TUSC3: variants seen among roughly 807,000 people sequenced by gnomAD.
TUSC3 encodes dolichyl-diphosphooligosaccharide--protein glycosyltransferase subunit TUSC3.
A neutral mutation model predicts 44.8 loss-of-function variants in TUSC3; 45 were observed. The observed-to-expected ratio is 1.00, with a 90% confidence interval of 0.79 to 1.29. TUSC3 has a LOEUF of 1.29. Ranked by LOEUF, TUSC3 falls within the 50% of genes most tolerant of loss-of-function variation. The pLI is 0.00. For synonymous variants in TUSC3, 212 were observed against 152.9 expected (o/e 1.39, Z -2.85); for missense variants, 519 against 437.9 (o/e 1.19, Z -1.65).
chr8:15,488,730 G>A (rs1437806268), intron 2 of TUSC3, among the ~76,000 whole-genome samples: 1 of 152,162 alleles, frequency 6.6e-6, no homozygotes, highest in Non-Finnish European at 1.5e-5. Context: ...ATATGAAGAT[G>A]TGGCAAGAAA....
At chr8:15,797,748 A>G in the TUSC3 span, among the ~76,000 whole-genome samples, 1 of 152,174 alleles carries the variant, frequency 6.6e-6, no homozygotes, top group Non-Finnish European at 1.5e-5. Context: ...TGCTGGGCCT[A>G]TGTCAAAATG....
At chr8:15,562,100 C>A (rs1234818879) in intron 1 of TUSC3, among the ~76,000 whole-genome samples, 1 of 152,130 alleles carries the variant, frequency 6.6e-6, no homozygotes, top group Non-Finnish European at 1.5e-5. Flanking sequence ...GTAAGAACAG[C>A]TATGCAGGAG....
At chr8:15,785,759 G>C in the TUSC3 span, among the ~76,000 whole-genome samples, 1 of 152,020 alleles carries the variant, frequency 6.6e-6, no homozygotes, top group African/African-American at 2.4e-5. Flanking sequence ...GTACAGAATA[G>C]ATGCCTAACA....
chr8:15,630,714 CTTAGGG>C (rs1805721549), intron 2 of TUSC3, among the ~76,000 whole-genome samples: 1 of 152,084 alleles, frequency 6.6e-6, no homozygotes, highest in African/African-American at 2.4e-5. Flanking sequence ...TTATTAGTGT[CTTAGGG>C]CAGTGATCTC....
At chr8:15,851,237 A>G in the TUSC3 span, among the ~76,000 whole-genome samples, 1 of 152,168 alleles carries the variant, frequency 6.6e-6, no homozygotes, top group African/African-American at 2.4e-5. Context: ...AATAACAATA[A>G]TTTATTCAAC....
intron 7 of TUSC3, 64 bp from the exon 8 acceptor site, chr8:15,743,474 A>G (rs1811278873): frequency 6.5e-7 from 1 of 1,542,216 alleles, no homozygotes. Flanking sequence ...TTGTGTTCAG[A>G]GCCAGAAAAA....
At chr8:15,652,258 T>C (rs62502092) in intron 3 of TUSC3, among the ~76,000 whole-genome samples, 30,040 of 152,214 alleles carry the variant, frequency 0.2, 3,805 homozygotes, top group Non-Finnish European at 0.29. Flanking sequence ...AGCATGCAGT[T>C]CTGTAAAGAA....
At chr8:15,455,804 A>G (rs1024062131) in intron 1 of TUSC3, among the ~76,000 whole-genome samples, 3 of 152,198 alleles carry the variant, frequency 2.0e-5, no homozygotes, top group African/African-American at 7.2e-5. Flanking sequence ...TTTAAATGAT[A>G]AAAGCCCTTC....
At chr8:15,840,966 G>T in the TUSC3 span, among the ~76,000 whole-genome samples, 1 of 152,118 alleles carries the variant, frequency 6.6e-6, no homozygotes, top group Admixed American at 6.6e-5. Context: ...TATTGAAAGT[G>T]GTTGCTAGAG....
intron 8 of TUSC3, 64 bp from the exon 9 acceptor site, chr8:15,748,311 A>C (rs1811511560): frequency 8.1e-6 from 10 of 1,232,240 alleles, no homozygotes; most frequent in Middle Eastern, 3.9e-4. Context: ...ATTTAAAAAT[A>C]TAAACAATTG....
At chr8:15,648,732 A>AAAAAAAAG (rs1806747086) in intron 2 of TUSC3, among the ~76,000 whole-genome samples, 1 of 134,194 alleles carries the variant, frequency 7.5e-6, no homozygotes, top group Non-Finnish European at 1.5e-5. Flanking sequence ...TGTCAAAAAA[A>AAAAAAAAG]AAAAAAAAAA....
chr8:15,811,840 G>A, the TUSC3 span, among the ~76,000 whole-genome samples: 1 of 152,140 alleles, frequency 6.6e-6, no homozygotes, highest in African/African-American at 2.4e-5. Context: ...ATTTGTCTGA[G>A]TAGCAAAAGC....
At chr8:15,582,799 C>T (rs1256466638) in intron 1 of TUSC3, among the ~76,000 whole-genome samples, 2 of 152,220 alleles carry the variant, frequency 1.3e-5, no homozygotes, top group African/African-American at 4.8e-5. Flanking sequence ...CAGTTACAGT[C>T]ACTCACCACC....
At chr8:15,680,746 TA>T (rs1808391420) in intron 6 of TUSC3, among the ~76,000 whole-genome samples, 1 of 152,154 alleles carries the variant, frequency 6.6e-6, no homozygotes, top group South Asian at 2.1e-4. Context: ...TGACTCTTAC[TA>T]TTTTGAAGTA....
intron 1 of TUSC3, among the ~76,000 whole-genome samples, chr8:15,568,436 C>G (rs1272546578): frequency 2.0e-5 from 3 of 152,042 alleles, no homozygotes; most frequent in Admixed American, 6.6e-5. Flanking sequence ...CCAAATTTAT[C>G]TTCATACCTT....
At chr8:15,502,175 A>G (rs1800975857) in intron 2 of TUSC3, among the ~76,000 whole-genome samples, 1 of 152,202 alleles carries the variant, frequency 6.6e-6, no homozygotes, top group African/African-American at 2.4e-5. Flanking sequence ...GTCAAATTGC[A>G]AACTATGATT....
Position 15,688,012 on chromosome 8 carries a change from G to A in TUSC3, c.798+14176G>A, listed in dbSNP as rs536303309. Among the ~76,000 whole-genome samples the A allele has an allele frequency of 2.0e-5, 3 of 151,974 alleles. No individual in the cohort carries two copies. The East Asian group carries it at 5.8e-4, about 29-fold the overall frequency. ...AAGAAATATTACATCAGAGGAGAAA[G>A]GATAAGAACAAAAAGAGAAGAATCA... On this transcript the variant is annotated intron_variant, in intron 6 of 10. Transcript: ENST00000503731.
intron 2 of TUSC3, among the ~76,000 whole-genome samples, chr8:15,510,481 C>G (rs1801118128): frequency 6.6e-6 from 1 of 152,100 alleles, no homozygotes; most frequent in African/African-American, 2.4e-5. Flanking sequence ...GCAGTAAATT[C>G]ACAACTTATG....
At chr8:15,438,142 T>C (rs1350020361) in intron 1 of TUSC3, among the ~76,000 whole-genome samples, 1 of 152,214 alleles carries the variant, frequency 6.6e-6, no homozygotes. Context: ...TTACCCAGGC[T>C]GGAGTGCAAT....
Sources: gnomAD v4.1 joint callset for allele counts (sites outside exome capture counted in the v4.1 genomes callset) on GRCh38, gnomAD v4.1.1 for gene constraint, MANE v1.5 for transcripts, NCBI Gene and HGNC (gene_info 2026-07-23, HGNC 2026-07-21) for gene names.